PRR16: variants seen among roughly 807,000 people sequenced by gnomAD.
PRR16 encodes protein Largen.
Under a neutral mutation model 18.2 loss-of-function variants are expected in PRR16, and 6 were observed. The observed-to-expected ratio is 0.33, with a 90% CI of 0.18 to 0.65. PRR16 has a LOEUF of 0.65. PRR16 is among the 30% of genes least tolerant of loss of function. The probability of loss-of-function intolerance (pLI) is 0.74; values close to 1 mark genes in which losing one functional copy is unlikely to be tolerated. For synonymous variants in PRR16, 151 were observed against 147.8 expected, an observed-to-expected ratio of 1.02 and a Z score of -0.16; for missense variants, 412 against 376.6, an observed-to-expected ratio of 1.09 and a Z score of -0.78.
chr5:120,713,680 G>A, the PRR16 span, among the ~76,000 whole-genome samples: 2,427 of 152,166 alleles, frequency 0.016, 70 homozygotes, highest in African/African-American at 0.055. Flanking sequence ...GCTAGAACCA[G>A]GGCCTTTCGC....
chr5:120,756,265 C>A, the PRR16 span, among the ~76,000 whole-genome samples: 1 of 151,920 alleles, frequency 6.6e-6, no homozygotes, highest in South Asian at 2.1e-4. Context: ...AAGGGAGTAC[C>A]CTCTGATCCT....
At chr5:120,703,179 G>A in the PRR16 span, among the ~76,000 whole-genome samples, 1 of 152,114 alleles carries the variant, frequency 6.6e-6, no homozygotes, top group Admixed American at 6.5e-5. Flanking sequence ...GGTGCTCAGT[G>A]GGGGTGCCTT....
At chr5:120,532,220 A>G (rs564342932) in intron 1 of PRR16, among the ~76,000 whole-genome samples, 2 of 152,276 alleles carry the variant, frequency 1.3e-5, no homozygotes, top group East Asian at 3.9e-4. Flanking sequence ...CGGCCATGCC[A>G]TTTTAGGTAA....
intron 1 of PRR16, among the ~76,000 whole-genome samples, chr5:120,530,023 C>T (rs1194968979): frequency 6.6e-6 from 1 of 150,682 alleles, no homozygotes; most frequent in African/African-American, 2.4e-5. Flanking sequence ...ATTTGTTTCA[C>T]TTTTTATGAA....
intron 1 of PRR16, among the ~76,000 whole-genome samples, chr5:120,575,412 A>G (rs1406295380): frequency 6.6e-6 from 1 of 151,830 alleles, no homozygotes; most frequent in African/African-American, 2.4e-5. Context: ...TCAACAAAAT[A>G]CTAGCTAGCA....
chr5:120,496,958 C>T (rs1056875402), intron 1 of PRR16, among the ~76,000 whole-genome samples: 8 of 151,948 alleles, frequency 5.3e-5, no homozygotes, highest in African/African-American at 1.2e-4. Context: ...TATTCTTTTA[C>T]CTGTGAATTA....
the PRR16 span, among the ~76,000 whole-genome samples, chr5:120,754,448 T>TA: frequency 3.4e-5 from 3 of 88,596 alleles, no homozygotes; most frequent in East Asian, 3.6e-4. Flanking sequence ...ATAGTATATA[T>TA]TATATAATAT....
chr5:120,719,975 C>T, the PRR16 span, among the ~76,000 whole-genome samples: 1 of 151,770 alleles, frequency 6.6e-6, no homozygotes, highest in Non-Finnish European at 1.5e-5. Flanking sequence ...ACATACTGCC[C>T]CCAAATTAAA....
chr5:120,493,948 TG>T, intron 1 of PRR16, among the ~76,000 whole-genome samples: 1 of 152,256 alleles, frequency 6.6e-6, no homozygotes, highest in South Asian at 2.1e-4. Flanking sequence ...GAAGGACATT[TG>T]GGTTGTTTCT....
At chr5:120,776,300 C>T in the PRR16 span, among the ~76,000 whole-genome samples, 2 of 152,130 alleles carry the variant, frequency 1.3e-5, no homozygotes, top group Non-Finnish European at 2.9e-5. Flanking sequence ...TATTTCTGCT[C>T]AAAAATCATT....
At chr5:120,698,139 G>A in the PRR16 span, among the ~76,000 whole-genome samples, 143 of 152,170 alleles carry the variant, frequency 9.4e-4, no homozygotes, top group African/African-American at 3.2e-3. Context: ...GAGAATGGCC[G>A]ATGTTTCTCA....
intron 1 of PRR16, among the ~76,000 whole-genome samples, chr5:120,476,855 G>C (rs994349680): frequency 2.0e-5 from 3 of 152,008 alleles, no homozygotes; most frequent in African/African-American, 7.2e-5. Flanking sequence ...CTCTGTATTT[G>C]CTGTCACCTA....
At chr5:120,633,873 C>T (rs1477041319) in intron 1 of PRR16, among the ~76,000 whole-genome samples, 4 of 151,840 alleles carry the variant, frequency 2.6e-5, no homozygotes, top group African/African-American at 9.7e-5. Context: ...ACTGACAGCA[C>T]TAGATAGGTC....
At chr5:120,623,845 G>T (rs529480063) in intron 1 of PRR16, among the ~76,000 whole-genome samples, 44 of 152,076 alleles carry the variant, frequency 2.9e-4, no homozygotes, top group African/African-American at 1.0e-3. Flanking sequence ...ACTTTTCAGT[G>T]CCTTTAAAAT....
intron 1 of PRR16, among the ~76,000 whole-genome samples, chr5:120,575,073 T>C (rs1195394821): frequency 7.3e-6 from 1 of 136,526 alleles, no homozygotes; most frequent in Non-Finnish European, 1.5e-5. Context: ...TTATTACTTA[T>C]TATTGTTAAT....
intron 1 of PRR16, among the ~76,000 whole-genome samples, chr5:120,580,333 C>A (rs1580748017): frequency 1.3e-5 from 2 of 152,044 alleles, no homozygotes; most frequent in Non-Finnish European, 2.9e-5. Flanking sequence ...ATGCTTCCAC[C>A]TTTTGCCCAT....
intron 1 of PRR16, among the ~76,000 whole-genome samples, chr5:120,545,715 T>G (rs917298741): frequency 6.6e-6 from 1 of 152,134 alleles, no homozygotes; most frequent in African/African-American, 2.4e-5. Flanking sequence ...TACACTGCTC[T>G]TAGTGAATCA....
the PRR16 span, among the ~76,000 whole-genome samples, chr5:120,755,633 C>T: frequency 2.0e-5 from 3 of 151,966 alleles, no homozygotes; most frequent in Non-Finnish European, 2.9e-5. Flanking sequence ...AGTCCACTGT[C>T]GAGGACCACC....
intron 1 of PRR16, among the ~76,000 whole-genome samples, chr5:120,664,043 A>C (rs185344110): frequency 1.3e-5 from 2 of 152,266 alleles, no homozygotes; most frequent in East Asian, 1.9e-4. Context: ...TCATGCCTGT[A>C]ATCTCAGTAC....
Sources: gnomAD v4.1 joint callset for allele counts (sites outside exome capture counted in the v4.1 genomes callset) on GRCh38, gnomAD v4.1.1 for gene constraint, MANE v1.5 for transcripts, NCBI Gene and HGNC (gene_info 2026-07-23, HGNC 2026-07-21) for gene names.